Variants in FOXJ3 observed in about 807,000 individuals in gnomAD.
FOXJ3 encodes the protein forkhead box protein J3.
Under a neutral mutation model 76.1 loss-of-function variants are expected in FOXJ3, and 22 were observed. The observed-to-expected ratio is 0.29, with a 90% confidence interval of 0.21 to 0.41. The LOEUF is 0.41. FOXJ3 is among the 10% of genes least tolerant of loss of function. The pLI, the probability that FOXJ3 is intolerant of heterozygous loss-of-function variation, is 1.00. For synonymous variants in FOXJ3, 269 were observed against 261.2 expected (o/e 1.03, Z -0.29); for missense variants, 613 against 762.1 (o/e 0.80, Z 2.30).
intron 1 of FOXJ3, among the ~76,000 whole-genome samples, chr1:42,330,961 T>C (rs1052355750): frequency 6.6e-6 from 1 of 152,190 alleles, no homozygotes; most frequent in Non-Finnish European, 1.5e-5. Context: ...TCAAGGGCCA[T>C]GTCTTATTCA....
chr1:42,314,543 C>A (rs184013311), intron 1 of FOXJ3, among the ~76,000 whole-genome samples: 29 of 152,328 alleles, frequency 1.9e-4, no homozygotes, highest in Non-Finnish European at 2.5e-4. Flanking sequence ...TGAGGCACCA[C>A]GCCCAGCCCT....
intron 2 of FOXJ3, among the ~76,000 whole-genome samples, chr1:42,310,664 G>C (rs1295074426): frequency 6.6e-6 from 1 of 150,826 alleles, no homozygotes; most frequent in Non-Finnish European, 1.5e-5. Flanking sequence ...TGGCCAGGCT[G>C]GTCTCAAACT....
chr1:42,256,169 C>T lies in FOXJ3; in HGVS notation c.444+8946G>A, dbSNP rs150503077. 2.4e-3 allele frequency among the ~76,000 whole-genome samples: 358 copies of T among 152,128 alleles called. 1 individual carries two copies. Among genetic ancestry groups the T allele is most frequent in the African/African-American group, 8.2e-3 (342 of 41,488 alleles). On this transcript the variant is annotated intron_variant, in intron 4 of 12. Transcript: ENST00000361346. ...AACTTAAAAAGAAAATCTTCATGAC[C>T]GTACTTGATTTCCTGATGGCATACA...
At chr1:42,260,184 A>T (rs1022545711) in intron 4 of FOXJ3, among the ~76,000 whole-genome samples, 1 of 152,190 alleles carries the variant, frequency 6.6e-6, no homozygotes. Flanking sequence ...AACACTGTTC[A>T]TCATTTAATG....
intron 4 of FOXJ3, among the ~76,000 whole-genome samples, chr1:42,229,477 C>T (rs1043920125): frequency 1.3e-5 from 2 of 152,146 alleles, no homozygotes; most frequent in Non-Finnish European, 2.9e-5. Context: ...CTACTATGTA[C>T]ATGTCAGTGT....
At chr1:42,186,116 G>A (rs1354293054) in intron 11 of FOXJ3, among the ~76,000 whole-genome samples, 2 of 152,102 alleles carry the variant, frequency 1.3e-5, no homozygotes, top group African/African-American at 4.8e-5. Flanking sequence ...AAGAATTACT[G>A]GGGTGCAGAG....
Position 42,176,614 on chromosome 1 carries a change from TAATGACACTTGGA to T in FOXJ3, c.*3083_*3095del, listed in dbSNP as rs935923429. 7.2e-5 allele frequency: 11 copies of T among 152,670 alleles called. No individual in the cohort carries two copies. The highest frequency in any genetic ancestry group is 1.3e-4 in the Admixed American group (2 of 15,288). The allele number at this position is 152,670 out of a possible 1,614,324, so 9.5% of individuals were successfully genotyped here. A position where few individuals can be genotyped will look rare whatever the true frequency, so the allele number is the denominator to read the frequency against. On this transcript the variant is annotated 3_prime_UTR_variant, in exon 13 of 13. Coordinates refer to ENST00000361346, the MANE Select transcript of FOXJ3 (RefSeq NM_014947.5). ...ATATCAGTTCTGGCAGCAACAATCC[TAATGACACTTGGA>T]ATATTTCTTTACAGCACTAAACAGT...
intron 11 of FOXJ3, 76 bp from the exon 12 acceptor site, chr1:42,182,100 G>C: frequency 1.3e-6 from 1 of 762,230 alleles, no homozygotes; most frequent in Admixed American, 2.6e-5. Flanking sequence ...AATCTTAACA[G>C]AATTGTTACT....
Position 42,181,905 on chromosome 1 carries a change from T to A in FOXJ3, c.1753+12A>T. ...CACACACACACACACTCACTCTCTC[T>A]CTCTCTCTTACCTGCCATCGTTGTT... is the stretch of plus-strand genomic sequence containing the variant. On this transcript the variant is annotated intron_variant, in intron 12 of 12. Coordinates refer to ENST00000361346, the MANE Select transcript of FOXJ3 (RefSeq NM_014947.5). The A allele has an allele frequency of 1.3e-6, 2 of 1,553,094 alleles. No homozygotes were observed.
chr1:42,226,128 T>C (rs1006128596), intron 5 of FOXJ3, among the ~76,000 whole-genome samples: 1 of 152,024 alleles, frequency 6.6e-6, no homozygotes, highest in Non-Finnish European at 1.5e-5. Context: ...TGGCAACAGA[T>C]GCTAAATGTT....
intron 1 of FOXJ3, 149 bp from the exon 2 acceptor site, chr1:42,311,259 A>T: frequency 1.7e-6 from 1 of 583,034 alleles, no homozygotes; most frequent in Non-Finnish European, 3.0e-6. Flanking sequence ...ATCAGAACAC[A>T]AACTTACATG....
intron 7 of FOXJ3, among the ~76,000 whole-genome samples, chr1:42,196,182 G>A (rs548179793): frequency 6.6e-6 from 1 of 152,256 alleles, no homozygotes; most frequent in South Asian, 2.1e-4. Context: ...TCTGTCATTT[G>A]GTCCTCTGTT....
At chr1:42,228,604 T>C (rs1246622091) in intron 4 of FOXJ3, among the ~76,000 whole-genome samples, 2 of 146,254 alleles carry the variant, frequency 1.4e-5, no homozygotes, top group African/African-American at 5.0e-5. Flanking sequence ...CATAGATCCA[T>C]AGATAATATA....
chr1:42,181,243 A>C (rs988170189), intron 12 of FOXJ3, among the ~76,000 whole-genome samples: 13 of 152,184 alleles, frequency 8.5e-5, no homozygotes, highest in African/African-American at 3.1e-4. Flanking sequence ...TCTCCTTCAG[A>C]GCCTCCATTA....
At chr1:42,299,930 A>C (rs1170858713) in intron 2 of FOXJ3, among the ~76,000 whole-genome samples, 3 of 151,964 alleles carry the variant, frequency 2.0e-5, no homozygotes, top group African/African-American at 7.3e-5. Flanking sequence ...TAGGACAGGC[A>C]CAGTGGCTCA....
At chr1:42,249,148 G>C (rs1017720696) in intron 4 of FOXJ3, among the ~76,000 whole-genome samples, 1 of 152,056 alleles carries the variant, frequency 6.6e-6, no homozygotes. Flanking sequence ...TATAACTGAT[G>C]GGCATTTGGG....
chr1:42,294,370 G>C (rs539400781), intron 2 of FOXJ3, among the ~76,000 whole-genome samples: 14 of 152,070 alleles, frequency 9.2e-5, no homozygotes, highest in Non-Finnish European at 7.4e-5. Flanking sequence ...CTGAACCAAG[G>C]GTGCTACCTG....
chr1:42,315,445 C>A (rs180774268), intron 1 of FOXJ3: 2 of 983,032 alleles, frequency 2.0e-6, no homozygotes, highest in African/African-American at 1.7e-5. Context: ...GGAAAATGAT[C>A]TCATACTAAA....
intron 4 of FOXJ3, among the ~76,000 whole-genome samples, chr1:42,240,988 A>G (rs949313786): frequency 1.3e-5 from 2 of 152,250 alleles, no homozygotes; most frequent in Admixed American, 6.5e-5. Context: ...CATCTAAGAC[A>G]GAACACTAGA....
Sources: allele counts gnomAD v4.1 joint callset (sites outside exome capture counted in the v4.1 genomes callset), GRCh38; gene constraint gnomAD v4.1.1; transcripts MANE v1.5; gene names NCBI Gene and HGNC (gene_info 2026-07-23, HGNC 2026-07-21).